Variants in TMEM238 observed in about 807,000 individuals in gnomAD.
TMEM238 encodes transmembrane protein 238.
For missense variants in TMEM238, 169 were observed against 206.8 expected (o/e 0.82, Z 1.12); for synonymous variants, 103 against 111.5 (o/e 0.92, Z 0.48).
In TMEM238 at chr19:55,383,055, T is replaced by C. The variant is rs1380993543; in HGVS notation, c.*7+667A>G. ...AATGGGGATGGTAATAGTAGTGACC[T>C]TGGAGACCAGTTACATGGAGAGGAT... On this transcript the variant is annotated intron_variant, in intron 1 of 1. Coordinates refer to ENST00000444469, the MANE Select transcript of TMEM238 (RefSeq NM_001190764.2). This position sits in a 1 kb window ranked among gnomAD's most constrained non-coding sequence, Gnocchi z 4.9. 6.6e-6 allele frequency among the ~76,000 whole-genome samples: 1 copy of C among 152,248 alleles called. No individual in the cohort carries two copies. Among genetic ancestry groups the C allele is most frequent in the Admixed American group, 6.5e-5 (1 of 15,290 alleles).
At chr19:55,380,600 T>C (rs912799081) in intron 1 of TMEM238, among the ~76,000 whole-genome samples, 3 of 150,688 alleles carry the variant, frequency 2.0e-5, no homozygotes, top group Non-Finnish European at 4.4e-5. Flanking sequence ...AATTTTTGTA[T>C]TTTTAGTAGA....
chr19:55,379,963 C>T (rs2089878467), intron 1 of TMEM238, among the ~76,000 whole-genome samples: 1 of 151,458 alleles, frequency 6.6e-6, no homozygotes, highest in South Asian at 2.1e-4. Context: ...CCACTGCTCT[C>T]CAGCCTGAAC....
rs760500389 is a variant in TMEM238, at chr19:55,384,006, C to T, written c.254G>A (p.Gly85Asp). ...GALLVFLSLL[G>D]WILWYTGNIE... The stretch of plus-strand genomic sequence containing the variant: ...GTTGCCGGTGTACCAGAGGATCCAG[C>T]CCAGCAGGCTCAGGAACACCAGCAG... The change falls in exon 1 of 2, where the codon GGC (glycine) becomes GAC (aspartate). Residue 85 changes from glycine (G) to aspartate (D), a missense_variant. Coordinates refer to ENST00000444469, the MANE Select transcript of TMEM238 (RefSeq NM_001190764.2). This position sits in a 1 kb window ranked among gnomAD's most constrained non-coding sequence, Gnocchi z 5.6. The T allele has an allele frequency of 1.4e-6, 2 of 1,471,110 alleles. No homozygotes were observed. The highest frequency in any genetic ancestry group is 2.5e-5 in the South Asian group (2 of 80,090). The allele number at this position is 1,471,110 out of a possible 1,614,324, so 91.1% of individuals were successfully genotyped here.
chr19:55,384,080 C>G lies in TMEM238; in HGVS notation c.180G>C (p.Leu60=). The G allele has an allele frequency of 6.8e-7, 1 of 1,474,552 alleles. No homozygotes were observed. Among genetic ancestry groups the G allele is most frequent in the Non-Finnish European group, 9.0e-7 (1 of 1,109,942 alleles). 91.3% of individuals were successfully genotyped at this position (1,474,552 alleles called of 1,614,324 possible). ...AALLTGVFAQ[L]QVRGRDFGDL... Reference sequence around the variant, plus strand: ...CCCCGAAGTCGCGGCCGCGCACCTGCAGCTGCGCGAACACGCCGGTCAGCA... The same window carrying G: ...CCCCGAAGTCGCGGCCGCGCACCTGGAGCTGCGCGAACACGCCGGTCAGCA... Residue 60 remains leucine (L), a synonymous_variant, in exon 1 of 2, where the codon CTG becomes CTC. Transcript: ENST00000444469. The surrounding 1 kb of genome is among the most constrained non-coding windows in gnomAD (Gnocchi z 5.6).
At position 55,383,144 on chromosome 19, in the gene TMEM238, G is replaced by A. The variant is rs1353316700; in HGVS notation, c.*7+578C>T. Reference sequence around the variant, plus strand: ...TAATCCCAGCACTTTGGGAGGCTGAGGAGAGCAAATCGCATGAGCTCAGGA... The same window carrying A: ...TAATCCCAGCACTTTGGGAGGCTGAAGAGAGCAAATCGCATGAGCTCAGGA... On this transcript the variant is annotated intron_variant, in intron 1 of 1. Coordinates refer to ENST00000444469, the MANE Select transcript of TMEM238 (RefSeq NM_001190764.2). The surrounding 1 kb of genome is among the most constrained non-coding windows in gnomAD (Gnocchi z 4.9). 6.6e-6 allele frequency among the ~76,000 whole-genome samples: 1 copy of A among 152,176 alleles called. No homozygotes were observed. The highest frequency in any genetic ancestry group is 1.5e-5 in the Non-Finnish European group (1 of 68,036).
At chr19:55,382,509 A>T (rs2089890572) in intron 1 of TMEM238, among the ~76,000 whole-genome samples, 1 of 152,186 alleles carries the variant, frequency 6.6e-6, no homozygotes, top group African/African-American at 2.4e-5. Context: ...AATTAAGTTA[A>T]ATCTTAAACA....
rs1348500076 is a variant in TMEM238, at chr19:55,384,215, C to G, written c.45G>C (p.Pro15=). 1 of 1,162,838 alleles carries G rather than the reference C, an allele frequency of 8.6e-7. No individual in the cohort carries two copies. The highest frequency in any genetic ancestry group is 1.1e-6 in the Non-Finnish European group (1 of 948,202). 72.0% of individuals were successfully genotyped at this position (1,162,838 alleles called of 1,614,324 possible). Residue 15 remains proline (P), a synonymous_variant, in exon 1 of 2, where the codon CCG becomes CCC. Coordinates refer to ENST00000444469, the MANE Select transcript of TMEM238 (RefSeq NM_001190764.2). The surrounding 1 kb of genome is among the most constrained non-coding windows in gnomAD (Gnocchi z 5.6). ...CGGCCGCCGGCGCGGACGGTGCACC[C>G]GGCGGGCTCCCCTGCGAGGCGCACA... ...PAVCASQGSP[P]GAPSAPAAAP...
chr19:55,383,162 G>A lies in TMEM238; in HGVS notation c.*7+560C>T, dbSNP rs1569037379. 6.6e-6 allele frequency among the ~76,000 whole-genome samples: 1 copy of A among 152,176 alleles called. No individual in the cohort carries two copies. Among genetic ancestry groups the A allele is most frequent in the East Asian group, 1.9e-4 (1 of 5,192 alleles). On this transcript the variant is annotated intron_variant, in intron 1 of 1. Transcript: ENST00000444469. The surrounding 1 kb of genome is among the most constrained non-coding windows in gnomAD (Gnocchi z 4.9). ...AGGCTGAGGAGAGCAAATCGCATGAGCTCAGGAGGTGGGGACCAACCTGGC... is the reference window on the plus strand; with the variant it reads ...AGGCTGAGGAGAGCAAATCGCATGAACTCAGGAGGTGGGGACCAACCTGGC...
chr19:55,383,367 T>A lies in TMEM238; in HGVS notation c.*7+355A>T, dbSNP rs1050715023. ...CTCCAGCCTGGGTGACAGTGAGAGA[T>A]CCTGTCTCAAAACAACCCCAAACGA... On this transcript the variant is annotated intron_variant, in intron 1 of 1. Coordinates refer to ENST00000444469, the MANE Select transcript of TMEM238 (RefSeq NM_001190764.2). This position sits in a 1 kb window ranked among gnomAD's most constrained non-coding sequence, Gnocchi z 4.9. Among the ~76,000 whole-genome samples, 1 of 151,636 alleles carries A rather than the reference T, an allele frequency of 6.6e-6. No individual in the cohort carries two copies. Among genetic ancestry groups the A allele is most frequent in the African/African-American group, 2.4e-5 (1 of 41,232 alleles).
intron 1 of TMEM238, among the ~76,000 whole-genome samples, chr19:55,379,572 C>CA (rs747575291): frequency 5.3e-5 from 8 of 152,002 alleles, no homozygotes; most frequent in Non-Finnish European, 1.0e-4. Context: ...CCCTGAAATC[C>CA]AAGGGTAGAG....
In TMEM238 at chr19:55,381,194, G is replaced by A. The variant is rs533656876; in HGVS notation, c.*8-1827C>T. Among the ~76,000 whole-genome samples the A allele has an allele frequency of 9.2e-5, 14 of 152,008 alleles. No homozygotes were observed. In the South Asian group the frequency reaches 2.9e-3, roughly 32 times the overall value. On this transcript the variant is annotated intron_variant, in intron 1 of 1. Transcript: ENST00000444469. ...AGCACTTTGGGTGGCCGAGGTGGGCGGATCACCCGAGATCGGGAGTTTGAG... is the reference window on the plus strand; with the variant it reads ...AGCACTTTGGGTGGCCGAGGTGGGCAGATCACCCGAGATCGGGAGTTTGAG...
chr19:55,380,055 G>T (rs375972969), intron 1 of TMEM238, among the ~76,000 whole-genome samples: 97 of 151,954 alleles, frequency 6.4e-4, no homozygotes, highest in African/African-American at 2.2e-3. Flanking sequence ...GAACCTGTGG[G>T]TCCCTCTGCT....
In TMEM238 at chr19:55,383,218, A is replaced by G. The variant is rs1488401098; in HGVS notation, c.*7+504T>C. Among the ~76,000 whole-genome samples, 5 of 152,192 alleles carry G rather than the reference A, an allele frequency of 3.3e-5. No individual in the cohort carries two copies. Among genetic ancestry groups the G allele is most frequent in the Non-Finnish European group, 5.9e-5 (4 of 68,040 alleles). ...TGGCAAAACCCCGTCTCTACTAAAT[A>G]TACAAAAATTAGCCCGGCAAGGTGG... On this transcript the variant is annotated intron_variant, in intron 1 of 1. Transcript: ENST00000444469. This position sits in a 1 kb window ranked among gnomAD's most constrained non-coding sequence, Gnocchi z 4.9.
chr19:55,382,014 C>T (rs2089888796), intron 1 of TMEM238, among the ~76,000 whole-genome samples: 1 of 152,118 alleles, frequency 6.6e-6, no homozygotes. Flanking sequence ...CATGTATTCA[C>T]CCATCCACCC....
chr19:55,379,955 A>G (rs981227813), intron 1 of TMEM238, among the ~76,000 whole-genome samples: 2 of 150,944 alleles, frequency 1.3e-5, no homozygotes, highest in Non-Finnish European at 2.9e-5. Flanking sequence ...TGATTGCACC[A>G]CTGCTCTCCA....
Position 55,384,057 on chromosome 19 carries a change from C to A in TMEM238, c.203G>T (p.Gly68Val). 1 of 1,482,412 alleles carries A rather than the reference C, an allele frequency of 6.7e-7. No homozygotes were observed. Among genetic ancestry groups the A allele is most frequent in the South Asian group, 1.2e-5 (1 of 81,388 alleles). 91.8% of individuals were successfully genotyped at this position (1,482,412 alleles called of 1,614,324 possible). ...AQLQVRGRDF[G>V]DLLIYSGALL... ...CGCGCCCGAGTAGATGAGCAGGTCC[C>A]CGAAGTCGCGGCCGCGCACCTGCAG... Residue 68 changes from glycine to valine, a missense_variant, in exon 1 of 2, where the codon GGG becomes GTG. Transcript: ENST00000444469. This position sits in a 1 kb window ranked among gnomAD's most constrained non-coding sequence, Gnocchi z 5.6.
chr19:55,383,956 C>T lies in TMEM238; in HGVS notation c.304G>A (p.Glu102Lys). 2 of 1,388,484 alleles carry T rather than the reference C, an allele frequency of 1.4e-6. No individual in the cohort carries two copies. Among genetic ancestry groups the T allele is most frequent in the Non-Finnish European group, 1.9e-6 (2 of 1,059,436 alleles). 86.0% of individuals were successfully genotyped at this position (1,388,484 alleles called of 1,614,324 possible). ...GAGGGCCGCAGGCCGTAGTCGCGCT[C>T]CAGCTCCTGGCGCGAGATCTCGATG... ...GNIEISRQEL[E>K]RDYGLRPSAL... The change falls in exon 1 of 2, where the codon GAG becomes AAG. Residue 102 changes from glutamate to lysine, a missense_variant. Coordinates refer to ENST00000444469, the MANE Select transcript of TMEM238 (RefSeq NM_001190764.2). The surrounding 1 kb of genome is among the most constrained non-coding windows in gnomAD (Gnocchi z 4.9).
At position 55,384,075 on chromosome 19, in the gene TMEM238, A is replaced by T. The variant is rs2089898329; in HGVS notation, c.185T>A (p.Val62Glu). 6.8e-7 allele frequency: 1 copy of T among 1,474,330 alleles called. No homozygotes were observed. Among genetic ancestry groups the T allele is most frequent in the African/African-American group, 1.4e-5 (1 of 69,538 alleles). 91.3% of individuals were successfully genotyped at this position (1,474,330 alleles called of 1,614,324 possible). ...CAGGTCCCCGAAGTCGCGGCCGCGC[A>T]CCTGCAGCTGCGCGAACACGCCGGT... ...LLTGVFAQLQ[V>E]RGRDFGDLLI... Residue 62 changes from valine to glutamate, a missense_variant, in exon 1 of 2, where the codon GTG becomes GAG. Coordinates refer to ENST00000444469, the MANE Select transcript of TMEM238 (RefSeq NM_001190764.2). This position sits in a 1 kb window ranked among gnomAD's most constrained non-coding sequence, Gnocchi z 5.6.
intron 1 of TMEM238, among the ~76,000 whole-genome samples, chr19:55,381,447 A>G (rs1379159438): frequency 1.3e-5 from 2 of 148,176 alleles, no homozygotes; most frequent in Non-Finnish European, 3.0e-5. Flanking sequence ...AAAAAAAGTT[A>G]ATTATTTACC....
Sources: allele counts gnomAD v4.1 joint callset (sites outside exome capture counted in the v4.1 genomes callset), GRCh38; gene constraint gnomAD v4.1.1; non-coding constraint Gnocchi (gnomAD v3.1); transcripts MANE v1.5; gene names NCBI Gene and HGNC (gene_info 2026-07-23, HGNC 2026-07-21).